The following TRAF2 variants were observed in gnomAD, a reference collection of about 807,000 sequenced individuals.
The protein encoded by TRAF2 is TNF receptor associated factor 2.
TRAF2 carries 6 observed loss-of-function variants against 55.6 expected under a neutral mutation model. The observed-to-expected ratio is 0.11, with a 90% CI of 0.06 to 0.21. The LOEUF (loss-of-function observed/expected upper bound fraction) is 0.21. TRAF2 is among the 10% of genes least tolerant of loss of function. The probability of loss-of-function intolerance (pLI) is 1.00; values close to 1 mark genes in which losing one functional copy is unlikely to be tolerated. For synonymous variants in TRAF2, 329 were observed against 276.3 expected, an observed-to-expected ratio of 1.19 and a Z score of -1.89; for missense variants, 561 against 684.5, an observed-to-expected ratio of 0.82 and a Z score of 2.01.
intron 6 of TRAF2, among the ~76,000 whole-genome samples, chr9:136,911,239 C>T (rs1850097517): frequency 6.6e-6 from 1 of 150,516 alleles, no homozygotes; most frequent in African/African-American, 2.5e-5. Flanking sequence ...TTTCTCTGTG[C>T]ATGGTGCATT....
chr9:136,921,696 C>CTT (rs11404322), intron 9 of TRAF2, among the ~76,000 whole-genome samples: 2,460 of 146,768 alleles, frequency 0.017, 65 homozygotes, highest in African/African-American at 0.058. Flanking sequence ...ACTCCCCCAC[C>CTT]TTTTTTTTTT....
upstream of TRAF2, among the ~76,000 whole-genome samples, chr9:136,885,779 T>A (rs1330353252): frequency 2.7e-5 from 4 of 150,842 alleles, no homozygotes; most frequent in South Asian, 2.1e-4. Context: ...AAAAAAAAAA[T>A]AAATAAAGTG....
chr9:136,925,846 A>G lies in TRAF2; in HGVS notation c.1451A>G (p.Tyr484Cys). The stretch of plus-strand genomic sequence containing the variant: ...TCCAAGATGGAGGCAAAGAATTCCT[A>G]CGTGCGGGACGATGCCATCTTCATC... ...PVSKMEAKNS[Y>C]VRDDAIFIKA... Residue 484 changes from tyrosine (Y) to cysteine (C), a missense_variant, in exon 11 of 11, where the codon TAC becomes TGC. By Grantham distance (194) the Tyr-to-Cys change is radical. Transcript: ENST00000247668. The G allele has an allele frequency of 6.2e-7, 1 of 1,614,132 alleles. No homozygotes were observed. Among genetic ancestry groups the G allele is most frequent in the Non-Finnish European group, 8.5e-7 (1 of 1,180,020 alleles).
At chr9:136,910,856 G>A (rs1850087090) in intron 6 of TRAF2, among the ~76,000 whole-genome samples, 1 of 152,250 alleles carries the variant, frequency 6.6e-6, no homozygotes, top group Non-Finnish European at 1.5e-5. Flanking sequence ...CCACTTGTCT[G>A]TTAAATGTCC....
intron 1 of TRAF2, among the ~76,000 whole-genome samples, chr9:136,896,607 C>G (rs184003859): frequency 6.6e-6 from 1 of 151,846 alleles, no homozygotes; most frequent in Non-Finnish European, 1.5e-5. Context: ...TTACCCAAAC[C>G]GCTTATAAGG....
In TRAF2 at chr9:136,909,089, A is replaced by C. The variant is rs561031420; in HGVS notation, c.529-831A>C. Among the ~76,000 whole-genome samples, 17 of 152,274 alleles carry C rather than the reference A, an allele frequency of 1.1e-4. No individual in the cohort carries two copies. In the South Asian group the frequency reaches 3.5e-3, roughly 32 times the overall value. On this transcript the variant is annotated intron_variant, in intron 5 of 10. Transcript: ENST00000247668. Reference sequence around the variant, plus strand: ...TTAAAAAAAGTTTGTTTTTAGGACAAAAAAGCATTTTTGTCTTAGAAAAGT... The same window carrying C: ...TTAAAAAAAGTTTGTTTTTAGGACACAAAAGCATTTTTGTCTTAGAAAAGT...
upstream of TRAF2, among the ~76,000 whole-genome samples, chr9:136,884,590 T>G (rs1317440883): frequency 6.6e-6 from 1 of 151,950 alleles, no homozygotes; most frequent in Non-Finnish European, 1.5e-5. Context: ...AGGGTCTCAC[T>G]CTATAGCGCA....
At position 136,921,028 on chromosome 9, in the gene TRAF2, C is replaced by T. The variant is rs768679774; in HGVS notation, c.961-10C>T. 4.3e-6 allele frequency: 7 copies of T among 1,613,226 alleles called. No homozygotes were observed. In the South Asian group the frequency reaches 7.7e-5, roughly 18 times the overall value. ...CCTGTAAGAGGGAAGGTGGTCTTGG[C>T]ACCCGGCAGGTGCAGCAGCTGGAGA... On this transcript the variant is annotated splice_polypyrimidine_tract_variant and intron_variant, in intron 8 of 10. Coordinates refer to ENST00000247668, the MANE Select transcript of TRAF2 (RefSeq NM_021138.4).
intron 4 of TRAF2, 94 bp from the exon 5 acceptor site, chr9:136,907,976 G>T: frequency 6.7e-7 from 1 of 1,494,930 alleles, no homozygotes; most frequent in East Asian, 2.3e-5. Flanking sequence ...CGGACACCAA[G>T]CCAGCGCTAC....
At chr9:136,908,787 G>A (rs576605065) in intron 5 of TRAF2, among the ~76,000 whole-genome samples, 1 of 150,624 alleles carries the variant, frequency 6.6e-6, no homozygotes, top group Admixed American at 6.6e-5. Context: ...GGAGAATGGC[G>A]TGAACCCAGG....
At chr9:136,904,773 T>TAAGCCAGAATAGTTGCTTCATAA (rs11271967) in intron 4 of TRAF2, among the ~76,000 whole-genome samples, 1 of 16,418 alleles carries the variant, frequency 6.1e-5, no homozygotes, top group Non-Finnish European at 1.2e-4. Context: ...TTAGGTTTCA[T>TAAGCCAGAATAGTTGCTTCATAA]AAGCCAGAAT....
chr9:136,884,384 C>G (rs1410726426), upstream of TRAF2, among the ~76,000 whole-genome samples: 1 of 151,870 alleles, frequency 6.6e-6, no homozygotes. Flanking sequence ...ACGGTGAAAC[C>G]CCGTCTCTAC....
chr9:136,904,567 G>C (rs1232996467), intron 4 of TRAF2, among the ~76,000 whole-genome samples: 1 of 151,778 alleles, frequency 6.6e-6, no homozygotes, highest in Non-Finnish European at 1.5e-5. Context: ...CACCACTCTC[G>C]GCTAATTTTT....
intron 4 of TRAF2, among the ~76,000 whole-genome samples, chr9:136,904,719 C>T (rs1564411254): frequency 1.3e-5 from 2 of 151,974 alleles, no homozygotes; most frequent in African/African-American, 4.8e-5. Flanking sequence ...AAAGAACAGT[C>T]TTTTAATTAA....
chr9:136,924,810 G>C (rs556821208), intron 10 of TRAF2, among the ~76,000 whole-genome samples: 44 of 151,844 alleles, frequency 2.9e-4, no homozygotes, highest in African/African-American at 9.9e-4. Flanking sequence ...CATGATCTCG[G>C]CTCACTGCAA....
At chr9:136,910,280 T>A (rs984955278) in intron 6 of TRAF2, among the ~76,000 whole-genome samples, 4 of 152,222 alleles carry the variant, frequency 2.6e-5, no homozygotes, top group Non-Finnish European at 5.9e-5. Context: ...AATGAAACAT[T>A]AAAGTTCTCA....
intron 7 of TRAF2, among the ~76,000 whole-genome samples, chr9:136,918,262 TTTAATTAATTA>T (rs1850294096): frequency 9.4e-5 from 3 of 31,818 alleles, no homozygotes; most frequent in African/African-American, 6.3e-4. Flanking sequence ...TATATATTTA[TTTAATTAATTA>T]ATTTATTTAT....
At chr9:136,893,287 A>G (rs555909574) in intron 1 of TRAF2, among the ~76,000 whole-genome samples, 2 of 152,318 alleles carry the variant, frequency 1.3e-5, no homozygotes, top group South Asian at 4.2e-4. Context: ...AGTTTAGGTT[A>G]TAAGCATGTT....
intron 9 of TRAF2, chr9:136,922,242 CTGAGT>C (rs1226001138): frequency 1.3e-5 from 2 of 152,268 alleles, no homozygotes; most frequent in Non-Finnish European, 2.9e-5. Context: ...TCTTTCTTCT[CTGAGT>C]TGAGACTGGA....
Sources: gnomAD v4.1 joint callset for allele counts (sites outside exome capture counted in the v4.1 genomes callset) on GRCh38, gnomAD v4.1.1 for gene constraint, MANE v1.5 for transcripts, NCBI Gene and HGNC (gene_info 2026-07-23, HGNC 2026-07-21) for gene names.